The following SEPTIN2 variants were observed in gnomAD, a reference collection of about 807,000 sequenced individuals.
SEPTIN2 encodes septin 2, also known as septin-2.
SEPTIN2 carries 34 observed loss-of-function variants against 46.5 expected under a neutral mutation model. The observed-to-expected ratio is 0.73, with a 90% CI of 0.56 to 0.97. The LOEUF is 0.97. Ranked by LOEUF, SEPTIN2 falls within the 50% of genes least tolerant of loss-of-function variation. The pLI, the probability that SEPTIN2 is intolerant of heterozygous loss-of-function variation, is 0.00. For synonymous variants in SEPTIN2, 175 were observed against 153.4 expected (o/e 1.14, Z -1.04); for missense variants, 347 against 448.4 (o/e 0.77, Z 2.04).
chr2:241,345,081 C>G (rs1372554344), intron 9 of SEPTIN2, among the ~76,000 whole-genome samples: 2 of 151,952 alleles, frequency 1.3e-5, no homozygotes, highest in Non-Finnish European at 2.9e-5. Context: ...CCACTGCACT[C>G]CAGCCTGGGC....
chr2:241,323,256 C>T (rs189428891), intron 1 of SEPTIN2, among the ~76,000 whole-genome samples: 65 of 151,882 alleles, frequency 4.3e-4, no homozygotes, highest in African/African-American at 1.5e-3. Context: ...CTGCAACCTC[C>T]GCCTCCCAGG....
chr2:241,337,518 TA>T lies in SEPTIN2; in HGVS notation c.476+4del. On this transcript the variant is annotated splice_donor_region_variant and intron_variant, in intron 6 of 12. Coordinates refer to ENST00000391971, the MANE Select transcript of SEPTIN2 (RefSeq NM_004404.5). ...CTTTATTTCACCTTTTGGACATGGG[TA>T]AGTAATTGTTTATCGTGGAGAAATG... The T allele has an allele frequency of 6.2e-7, 1 of 1,613,410 alleles. No individual in the cohort carries two copies.
chr2:241,322,499 C>T lies in SEPTIN2; in HGVS notation c.-17-1717C>T, dbSNP rs187949117. Among the ~76,000 whole-genome samples, 761 of 150,810 alleles carry T rather than the reference C, an allele frequency of 5.0e-3. 3 individuals carry two copies. Among genetic ancestry groups the T allele is most frequent in the Middle Eastern group, 0.024 (7 of 288 alleles). ...GCGGGCGCCTGTAGTCCCAGCTACT[C>T]GGGAGGCTGAGGCAGGAGAAGGGCG... On this transcript the variant is annotated intron_variant, in intron 1 of 12. Transcript: ENST00000391971.
rs1403409402 is a variant in SEPTIN2, at chr2:241,333,021, T to A, written c.131-2105T>A. On this transcript the variant is annotated intron_variant, in intron 3 of 12. Transcript: ENST00000391971. ...ACTCTAGGGTTATGAAAATAATCTTTATCTTGAGTGGAGTTTGATTATCTG... is the reference window on the plus strand; with the variant it reads ...ACTCTAGGGTTATGAAAATAATCTTAATCTTGAGTGGAGTTTGATTATCTG... Among the ~76,000 whole-genome samples, 3 of 152,186 alleles carry A rather than the reference T, an allele frequency of 2.0e-5. No individual in the cohort carries two copies. In the South Asian group the frequency reaches 6.2e-4, roughly 31 times the overall value.
intron 1 of SEPTIN2, among the ~76,000 whole-genome samples, chr2:241,318,900 G>A (rs1257712398): frequency 6.6e-6 from 1 of 151,986 alleles, no homozygotes; most frequent in Non-Finnish European, 1.5e-5. Context: ...GTTTCACCAT[G>A]TTGGCCAGGA....
At chr2:241,339,498 C>T (rs566348177) in intron 7 of SEPTIN2, among the ~76,000 whole-genome samples, 153 of 152,110 alleles carry the variant, frequency 1.0e-3, no homozygotes, top group African/African-American at 3.5e-3. Context: ...TACTATTCTG[C>T]CATTTGATTT....
intron 10 of SEPTIN2, among the ~76,000 whole-genome samples, chr2:241,347,759 G>A (rs2060394994): frequency 1.3e-5 from 2 of 152,130 alleles, no homozygotes; most frequent in African/African-American, 4.8e-5. Flanking sequence ...GGTGGCTCAT[G>A]CCTGTATTCC....
chr2:241,324,188 G>A, intron 1 of SEPTIN2, 28 bp from the exon 2 acceptor site: 1 of 1,605,682 alleles, frequency 6.2e-7, no homozygotes. Flanking sequence ...GTGCGTTTAT[G>A]TGTGTCTGTG....
chr2:241,316,438 A>G lies in SEPTIN2; in HGVS notation c.-18+456A>G, dbSNP rs575273211. The G allele has an allele frequency of 3.6e-5, 50 of 1,379,158 alleles. 2 individuals are homozygous for G. In the South Asian group the frequency reaches 6.9e-4, roughly 19 times the overall value. The allele number at this position is 1,379,158 out of a possible 1,614,324, so 85.4% of individuals were successfully genotyped here. Reference sequence around the variant, plus strand: ...CTCCCTGAGGCGTGGAGGACTGGCCAGCCCCCAAACCTCCAAGCCCATCGG... The same window carrying G: ...CTCCCTGAGGCGTGGAGGACTGGCCGGCCCCCAAACCTCCAAGCCCATCGG... On this transcript the variant is annotated intron_variant, in intron 1 of 12. Transcript: ENST00000391971.
chr2:241,342,534 A>ATTT (rs548033372), intron 7 of SEPTIN2, among the ~76,000 whole-genome samples: 2,112 of 87,030 alleles, frequency 0.024, 71 homozygotes, highest in Middle Eastern at 0.036. Context: ...AGTTTTGTAA[A>ATTT]TTTTTTTTTT....
intron 1 of SEPTIN2, among the ~76,000 whole-genome samples, chr2:241,319,119 A>G (rs192502310): frequency 2.6e-5 from 4 of 152,366 alleles, no homozygotes; most frequent in East Asian, 3.9e-4. Flanking sequence ...TGAAATTGCA[A>G]TATCTGGATC....
intron 7 of SEPTIN2, among the ~76,000 whole-genome samples, chr2:241,342,274 T>C (rs1219297489): frequency 6.6e-6 from 1 of 151,940 alleles, no homozygotes; most frequent in Admixed American, 6.6e-5. Flanking sequence ...CCATCTGGGG[T>C]ACTTCTCCCT....
chr2:241,346,072 T>C, intron 9 of SEPTIN2, 94 bp from the exon 10 acceptor site: 1 of 800,046 alleles, frequency 1.2e-6, no homozygotes, highest in South Asian at 1.6e-5. Flanking sequence ...TTTTAATTAC[T>C]GCTATTTCTT....
chr2:241,335,828 G>T, intron 4 of SEPTIN2, 147 bp from the exon 5 acceptor site: 3 of 968,008 alleles, frequency 3.1e-6, no homozygotes, highest in East Asian at 2.4e-5. Flanking sequence ...GACTTCTCTG[G>T]GATCTTTTTT....
At chr2:241,336,398 C>T (rs989848365) in intron 5 of SEPTIN2, 2 of 333,028 alleles carry the variant, frequency 6.0e-6, no homozygotes. Context: ...TACATCCTTT[C>T]TATGTGGAAG....
chr2:241,347,668 ATGT>A (rs2060384208), intron 10 of SEPTIN2, among the ~76,000 whole-genome samples: 1 of 152,184 alleles, frequency 6.6e-6, no homozygotes, highest in Non-Finnish European at 1.5e-5. Context: ...GTTCCATTTC[ATGT>A]TGTTCGAACT....
rs761296773 is a variant in SEPTIN2 at position 241,342,382 on chromosome 2, ATTTCCATTT to A, written c.595-608_595-600del. Among the ~76,000 whole-genome samples, 85 of 149,808 alleles carry A rather than the reference ATTTCCATTT, an allele frequency of 5.7e-4. No homozygotes were observed. The Middle Eastern group carries it at 0.01, about 18-fold the overall frequency. ...CCTTCTTGAGGCTGATTGTGGTGTGATTTCCATTTTAGCTGTTGTGCTGGGGCTATCGTT... is the reference window on the plus strand; with the variant it reads ...CCTTCTTGAGGCTGATTGTGGTGTGATAGCTGTTGTGCTGGGGCTATCGTT... On this transcript the variant is annotated intron_variant, in intron 7 of 12. Coordinates refer to ENST00000391971, the MANE Select transcript of SEPTIN2 (RefSeq NM_004404.5).
chr2:241,336,266 A>G, intron 5 of SEPTIN2, 168 bp downstream of exon 5: 1 of 742,620 alleles, frequency 1.3e-6, no homozygotes, highest in Non-Finnish European at 2.1e-6. Context: ...GGAATTTTAT[A>G]GAGAGTAATT....
At chr2:241,338,601 A>T (rs1028815945) in intron 7 of SEPTIN2, among the ~76,000 whole-genome samples, 13 of 132,562 alleles carry the variant, frequency 9.8e-5, no homozygotes, top group South Asian at 6.5e-4. Context: ...ATATATATAT[A>T]TATTTTATAT....
Sources: allele counts gnomAD v4.1 joint callset (sites outside exome capture counted in the v4.1 genomes callset), GRCh38; gene constraint gnomAD v4.1.1; transcripts MANE v1.5; gene names NCBI Gene and HGNC (gene_info 2026-07-23, HGNC 2026-07-21).